VRK2: variants seen among roughly 807,000 people sequenced by gnomAD.
VRK2 encodes VRK serine/threonine kinase 2, also known as serine/threonine-protein kinase VRK2.
In VRK2, 60 loss-of-function variants were observed where a neutral mutation model predicts 57.6. That is an observed-to-expected ratio of 1.04 (90% CI 0.85 to 1.29). The LOEUF is 1.29. Ranked by LOEUF, VRK2 falls within the 50% of genes most tolerant of loss-of-function variation. VRK2 has a pLI of 0.00. For missense variants in VRK2, 705 were observed against 588.1 expected (o/e 1.20, Z -2.06); for synonymous variants, 231 against 199.2 (o/e 1.16, Z -1.35).
intron 7 of VRK2, among the ~76,000 whole-genome samples, chr2:58,115,897 C>T (rs180805953): frequency 7.2e-5 from 11 of 152,218 alleles, no homozygotes; most frequent in Admixed American, 2.6e-4. Context: ...GTAAAGAAAG[C>T]ATGTTTGAGA....
At position 57,992,514 on chromosome 2, in the gene VRK2, C is replaced by T. The variant is rs1375489088; in HGVS notation, c.-438-33151C>T. Among the ~76,000 whole-genome samples the T allele has an allele frequency of 2.0e-5, 3 of 151,668 alleles. No individual in the cohort carries two copies. In the East Asian group the frequency reaches 5.8e-4, roughly 29 times the overall value. ...GAAATAATGAAAAACTCACAGACTG[C>T]TAACAGAATTCAGTGTTGTTTCTTT... On this transcript the variant is annotated intron_variant, in intron 1 of 15. Coordinates refer to the VRK2 transcript ENST00000417641.
intron 1 of VRK2, among the ~76,000 whole-genome samples, chr2:57,909,112 CT>C (rs1669911447): frequency 6.6e-6 from 1 of 152,176 alleles, no homozygotes; most frequent in Non-Finnish European, 1.5e-5. Flanking sequence ...TCATGAACTG[CT>C]TTTGGTTTGG....
In VRK2 at chr2:57,955,744, A is replaced by G. The variant is rs12053511; in HGVS notation, c.-439+47905A>G. Among the ~76,000 whole-genome samples the G allele has an allele frequency of 6.2e-4, 95 of 152,344 alleles. No individual in the cohort carries two copies. In the East Asian group the frequency reaches 0.017, roughly 27 times the overall value. ...TACACATCCTGCACATGTATCCTGG[A>G]ACTTAAAATAGAATTAAATTTTTTA... On this transcript the variant is annotated intron_variant, in intron 1 of 15. Transcript: ENST00000417641.
chr2:58,015,198 C>T (rs1019090599), intron 1 of VRK2, among the ~76,000 whole-genome samples: 3 of 152,184 alleles, frequency 2.0e-5, no homozygotes, highest in Non-Finnish European at 2.9e-5. Flanking sequence ...AGAGATTTAA[C>T]AAGCATTTAG....
intron 1 of VRK2, among the ~76,000 whole-genome samples, chr2:58,000,067 C>A (rs888631096): frequency 6.6e-6 from 1 of 152,140 alleles, no homozygotes; most frequent in Non-Finnish European, 1.5e-5. Context: ...CCTAAGAATG[C>A]AAATTTAATG....
intron 2 of VRK2, among the ~76,000 whole-genome samples, chr2:58,070,100 C>T (rs1242916701): frequency 1.3e-5 from 2 of 152,102 alleles, no homozygotes; most frequent in Non-Finnish European, 2.9e-5. Flanking sequence ...TTACTAACAA[C>T]TTGAATTAGT....
At chr2:57,973,045 A>G (rs2104025624) in intron 1 of VRK2, among the ~76,000 whole-genome samples, 1 of 152,014 alleles carries the variant, frequency 6.6e-6, no homozygotes, top group African/African-American at 2.4e-5. Context: ...CCTAGTAATT[A>G]GTTTTCTGGG....
At chr2:58,147,220 G>A (rs1682299735) in intron 12 of VRK2, 1 of 517,024 alleles carries the variant, frequency 1.9e-6, no homozygotes, top group Admixed American at 2.0e-5. Flanking sequence ...TGAACTTCTT[G>A]ACAGCCGAGG....
At chr2:57,965,547 T>C (rs1671890455) in intron 1 of VRK2, among the ~76,000 whole-genome samples, 1 of 152,244 alleles carries the variant, frequency 6.6e-6, no homozygotes, top group Non-Finnish European at 1.5e-5. Context: ...AGCAGTCTTT[T>C]GATTATGAAT....
intron 7 of VRK2, among the ~76,000 whole-genome samples, chr2:58,094,176 G>C (rs575481600): frequency 6.6e-6 from 1 of 152,076 alleles, no homozygotes; most frequent in African/African-American, 2.4e-5. Flanking sequence ...ATGAACTTTA[G>C]AGTAGTTTTT....
At chr2:57,926,723 CT>C (rs984951096) in intron 1 of VRK2, among the ~76,000 whole-genome samples, 32 of 150,446 alleles carry the variant, frequency 2.1e-4, no homozygotes, top group African/African-American at 6.8e-4. Context: ...TTTTTTTAGT[CT>C]TTTTTTCATC....
chr2:58,110,960 T>C (rs1409052872), intron 7 of VRK2, among the ~76,000 whole-genome samples: 1 of 152,154 alleles, frequency 6.6e-6, no homozygotes, highest in Non-Finnish European at 1.5e-5. Flanking sequence ...CACGCTGTGG[T>C]AGGACCCAGT....
chr2:58,089,367 A>G lies in VRK2; in HGVS notation c.451-264A>G, dbSNP rs141280428. ...CGGTTTGGCTACTGGGCTATCAGGA[A>G]TTAGGCATAAGCATTTTTGAATCTT... On this transcript the variant is annotated intron_variant, in intron 6 of 12. Coordinates refer to ENST00000340157, the MANE Select transcript of VRK2 (RefSeq NM_006296.7). Among the ~76,000 whole-genome samples the G allele has an allele frequency of 1.3e-3, 204 of 152,314 alleles. 1 individual carries two copies. Among genetic ancestry groups the G allele is most frequent in the African/African-American group, 4.7e-3 (196 of 41,590 alleles).
At position 57,949,132 on chromosome 2, in the gene VRK2, T is replaced by C. The variant is rs551085440; in HGVS notation, c.-439+41293T>C. ...AACTAGACAATCAGCAAATTGAGAT[T>C]TCATAGGAAGAAAAAAGGATTTGAA... is the stretch of plus-strand genomic sequence containing the variant. On this transcript the variant is annotated intron_variant, in intron 1 of 15. Coordinates refer to the VRK2 transcript ENST00000417641. Among the ~76,000 whole-genome samples the C allele has an allele frequency of 2.0e-5, 3 of 152,182 alleles. No homozygotes were observed. In the East Asian group the frequency reaches 5.8e-4, roughly 29 times the overall value.
At chr2:57,928,040 A>T (rs368993853) in intron 1 of VRK2, among the ~76,000 whole-genome samples, 13 of 152,236 alleles carry the variant, frequency 8.5e-5, no homozygotes, top group African/African-American at 3.1e-4. Context: ...GGTGTTATAT[A>T]ACCTTCTTGT....
intron 1 of VRK2, among the ~76,000 whole-genome samples, chr2:57,962,032 G>A (rs1490231906): frequency 6.6e-6 from 1 of 152,118 alleles, no homozygotes; most frequent in African/African-American, 2.4e-5. Flanking sequence ...AGCCGTGATT[G>A]CGCCACTGCA....
intron 1 of VRK2, among the ~76,000 whole-genome samples, chr2:57,984,680 C>T (rs1672538284): frequency 6.6e-6 from 1 of 151,980 alleles, no homozygotes; most frequent in Non-Finnish European, 1.5e-5. Context: ...AACATATGCT[C>T]AGTACATTGA....
At chr2:58,071,920 G>A (rs1381430876) in intron 2 of VRK2, among the ~76,000 whole-genome samples, 1 of 151,906 alleles carries the variant, frequency 6.6e-6, no homozygotes, top group African/African-American at 2.4e-5. Flanking sequence ...TGAACATGAT[G>A]TATCTCTCCA....
intron 12 of VRK2, among the ~76,000 whole-genome samples, chr2:58,158,011 G>C (rs1422976731): frequency 6.6e-6 from 1 of 152,266 alleles, no homozygotes; most frequent in East Asian, 1.9e-4. Flanking sequence ...TCTTTGATGA[G>C]TGCCTTGCCA....
Sources: gnomAD v4.1 joint callset for allele counts (sites outside exome capture counted in the v4.1 genomes callset) on GRCh38, gnomAD v4.1.1 for gene constraint, MANE v1.5 for transcripts, NCBI Gene and HGNC (gene_info 2026-07-23, HGNC 2026-07-21) for gene names.